NCAM2: variants seen among roughly 807,000 people sequenced by gnomAD.
NCAM2 encodes the protein neural cell adhesion molecule 2.
NCAM2 carries 30 observed loss-of-function variants against 98.1 expected under a neutral mutation model. That is an observed-to-expected ratio of 0.31 (90% CI 0.23 to 0.41). The LOEUF is 0.41. NCAM2 is among the 10% of genes least tolerant of loss of function. The probability of loss-of-function intolerance (pLI) is 1.00; values close to 1 mark genes in which losing one functional copy is unlikely to be tolerated. For synonymous variants in NCAM2, 368 were observed against 342.4 expected, an observed-to-expected ratio of 1.07 and a Z score of -0.83; for missense variants, 867 against 1,005.8, an observed-to-expected ratio of 0.86 and a Z score of 1.87.
chr21:21,475,803 C>T (rs892963786), intron 14 of NCAM2, among the ~76,000 whole-genome samples: 3 of 151,994 alleles, frequency 2.0e-5, no homozygotes, highest in African/African-American at 7.2e-5. Context: ...CATTTTTACA[C>T]GAAATAGCAA....
intron 1 of NCAM2, among the ~76,000 whole-genome samples, chr21:21,065,336 CT>C (rs1056770296): frequency 5.9e-5 from 9 of 152,026 alleles, no homozygotes; most frequent in African/African-American, 1.2e-4. Flanking sequence ...TCATCTGGGT[CT>C]TTTTTTTCCC....
chr21:21,006,097 A>G (rs1158006724), intron 1 of NCAM2, among the ~76,000 whole-genome samples: 1 of 152,192 alleles, frequency 6.6e-6, no homozygotes, highest in Non-Finnish European at 1.5e-5. Context: ...AAAGAGCATT[A>G]AATACATTTA....
At chr21:21,126,444 C>A (rs1004689624) in intron 1 of NCAM2, among the ~76,000 whole-genome samples, 2 of 151,670 alleles carry the variant, frequency 1.3e-5, no homozygotes, top group Non-Finnish European at 2.9e-5. Context: ...GAGAAAATGT[C>A]TTCTAACTTT....
intron 1 of NCAM2, among the ~76,000 whole-genome samples, chr21:21,085,411 C>T (rs1485485334): frequency 2.0e-5 from 3 of 152,112 alleles, no homozygotes; most frequent in African/African-American, 7.2e-5. Context: ...GATTATCTCT[C>T]CACTGGCTGG....
chr21:21,374,031 G>T lies in NCAM2; in HGVS notation c.1195+18G>T, dbSNP rs762544428. 6.3e-7 allele frequency: 1 copy of T among 1,590,544 alleles called. No individual in the cohort carries two copies. The highest frequency in any genetic ancestry group is 8.5e-7 in the Non-Finnish European group (1 of 1,170,410). Reference sequence around the variant, plus strand: ...TATTGAATGTAAGTTACTTTCCTTTGTATTTTCATTAAAATAACTTTGCAT... The same window carrying T: ...TATTGAATGTAAGTTACTTTCCTTTTTATTTTCATTAAAATAACTTTGCAT... On this transcript the variant is annotated intron_variant, in intron 9 of 17. Transcript: ENST00000400546.
chr21:21,155,890 G>C (rs1012604999), intron 1 of NCAM2, among the ~76,000 whole-genome samples: 4 of 151,818 alleles, frequency 2.6e-5, no homozygotes, highest in African/African-American at 9.7e-5. Context: ...CAGATACTTT[G>C]GGAAAAACCC....
At chr21:21,020,129 G>A (rs930488731) in intron 1 of NCAM2, among the ~76,000 whole-genome samples, 1 of 151,908 alleles carries the variant, frequency 6.6e-6, no homozygotes, top group Non-Finnish European at 1.5e-5. Context: ...CTCTGCCTCC[G>A]GGTTCAAGTA....
In NCAM2 at chr21:21,175,487, C is replaced by G. The variant is rs182827490; in HGVS notation, c.56-105091C>G. Among the ~76,000 whole-genome samples, 236 of 152,088 alleles carry G rather than the reference C, an allele frequency of 1.6e-3. 4 individuals carry two copies. Among genetic ancestry groups the G allele is most frequent in the Admixed American group, 0.013 (203 of 15,272 alleles). ...GGTGGAGGTTGCAGCAGGCTGAGATCGTGCCACTGCACTCCAGCCTGGGCT... is the reference window on the plus strand; with the variant it reads ...GGTGGAGGTTGCAGCAGGCTGAGATGGTGCCACTGCACTCCAGCCTGGGCT... On this transcript the variant is annotated intron_variant, in intron 1 of 17. Transcript: ENST00000400546.
chr21:21,478,840 G>C (rs1449349791), intron 15 of NCAM2, among the ~76,000 whole-genome samples: 1 of 152,060 alleles, frequency 6.6e-6, no homozygotes, highest in Non-Finnish European at 1.5e-5. Flanking sequence ...TGACATGTTG[G>C]AGGTCAGAAA....
intron 9 of NCAM2, among the ~76,000 whole-genome samples, chr21:21,401,944 A>G (rs1266123564): frequency 6.6e-6 from 1 of 152,026 alleles, no homozygotes; most frequent in African/African-American, 2.4e-5. Flanking sequence ...CCCTAATAAT[A>G]CTCATAATTT....
In NCAM2 at chr21:21,335,637, T is replaced by G; in HGVS notation, c.870T>G (p.Asp290Glu). ...GGGCCACAAATAAGGCAGGAGAAGA[T>G]GAAAAGCAAGCTTTCCTCCAAGTCT... ...VCRATNKAGE[D>E]EKQAFLQVFV... The change falls in exon 7 of 18, where the codon GAT becomes GAG. Residue 290 changes from aspartate (D) to glutamate (E), a missense_variant. Asp to Glu is a conservative substitution (Grantham distance 45, BLOSUM62 2). Coordinates refer to ENST00000400546, the MANE Select transcript of NCAM2 (RefSeq NM_004540.5). 15 of 1,607,954 alleles carry G rather than the reference T, an allele frequency of 9.3e-6. No homozygotes were observed. Among genetic ancestry groups the G allele is most frequent in the Non-Finnish European group, 1.3e-5 (15 of 1,177,580 alleles).
chr21:21,244,245 C>A (rs2071176454), intron 1 of NCAM2, among the ~76,000 whole-genome samples: 1 of 151,936 alleles, frequency 6.6e-6, no homozygotes, highest in Non-Finnish European at 1.5e-5. Context: ...AAAAGGAAAC[C>A]TTTTGTTGCT....
chr21:21,412,948 A>G (rs977058871), intron 10 of NCAM2, among the ~76,000 whole-genome samples: 6 of 152,168 alleles, frequency 3.9e-5, no homozygotes, highest in Non-Finnish European at 8.8e-5. Context: ...ATAAAAGGAA[A>G]TATAGGAAAA....
chr21:21,254,247 C>A (rs1250980956), intron 1 of NCAM2, among the ~76,000 whole-genome samples: 1 of 152,206 alleles, frequency 6.6e-6, no homozygotes, highest in Non-Finnish European at 1.5e-5. Context: ...AAATGCTACT[C>A]ATCTGCCACT....
At chr21:21,504,590 T>C (rs1476716491) in intron 15 of NCAM2, among the ~76,000 whole-genome samples, 1 of 151,836 alleles carries the variant, frequency 6.6e-6, no homozygotes, top group Non-Finnish European at 1.5e-5. Context: ...ATAGTGGACT[T>C]TTTATGCCAG....
At chr21:21,434,925 T>C (rs1234660520) in intron 12 of NCAM2, among the ~76,000 whole-genome samples, 1 of 152,178 alleles carries the variant, frequency 6.6e-6, no homozygotes, top group Non-Finnish European at 1.5e-5. Flanking sequence ...GGGCTGTCGC[T>C]GTCACCTGCC....
At chr21:21,005,866 A>C (rs903641988) in intron 1 of NCAM2, among the ~76,000 whole-genome samples, 1 of 152,102 alleles carries the variant, frequency 6.6e-6, no homozygotes, top group Non-Finnish European at 1.5e-5. Flanking sequence ...TGAATATATA[A>C]AATTTTAACA....
intron 9 of NCAM2, among the ~76,000 whole-genome samples, chr21:21,406,136 G>A (rs2076733556): frequency 6.6e-6 from 1 of 152,098 alleles, no homozygotes; most frequent in African/African-American, 2.4e-5. Context: ...AGGAAGACTA[G>A]TCATTATTAC....
At chr21:21,527,872 T>C (rs1336146735) in intron 16 of NCAM2, among the ~76,000 whole-genome samples, 1 of 152,196 alleles carries the variant, frequency 6.6e-6, no homozygotes, top group African/African-American at 2.4e-5. Context: ...GTTGAAAGTG[T>C]ATGTCTACAC....
Sources: gnomAD v4.1 joint callset for allele counts (sites outside exome capture counted in the v4.1 genomes callset) on GRCh38, gnomAD v4.1.1 for gene constraint, MANE v1.5 for transcripts, NCBI Gene and HGNC (gene_info 2026-07-23, HGNC 2026-07-21) for gene names.